SLC26A7: variants seen among roughly 807,000 people sequenced by gnomAD.
SLC26A7 encodes the protein solute carrier family 26 member 7, also known as anion exchange transporter.
Under a neutral mutation model 82.5 loss-of-function variants are expected in SLC26A7, and 59 were observed. That is an observed-to-expected ratio of 0.72 (90% CI 0.58 to 0.89). The LOEUF is 0.89. SLC26A7 is among the 40% of genes least tolerant of loss of function. SLC26A7 has a pLI of 0.00. For missense variants in SLC26A7, 820 were observed against 793.0 expected (o/e 1.03, Z -0.41); for synonymous variants, 271 against 274.3 (o/e 0.99, Z 0.12).
rs1586392560 is a variant in SLC26A7 at position 91,309,865 on chromosome 8, G to T, written c.478-8351G>T. 3.3e-5 allele frequency among the ~76,000 whole-genome samples: 5 copies of T among 152,210 alleles called. No homozygotes were observed. In the South Asian group the frequency reaches 1.0e-3, roughly 32 times the overall value. ...TTGCTAGCACTTGGTTAGGAGGGGAGCATGTATAGTGTGTTTACTGGAGTC... is the reference window on the plus strand; with the variant it reads ...TTGCTAGCACTTGGTTAGGAGGGGATCATGTATAGTGTGTTTACTGGAGTC... On this transcript the variant is annotated intron_variant, in intron 4 of 18. Coordinates refer to ENST00000276609, the MANE Select transcript of SLC26A7 (RefSeq NM_052832.4).
At chr8:91,370,181 T>C (rs1814315724) in intron 15 of SLC26A7, among the ~76,000 whole-genome samples, 1 of 113,636 alleles carries the variant, frequency 8.8e-6, no homozygotes, top group Non-Finnish European at 1.8e-5. Flanking sequence ...TTTCCTTCTT[T>C]TTTTTTCTAT....
intron 15 of SLC26A7, among the ~76,000 whole-genome samples, chr8:91,383,636 C>A (rs1438457020): frequency 6.6e-6 from 1 of 152,120 alleles, no homozygotes; most frequent in Non-Finnish European, 1.5e-5. Context: ...ACAAATTTCT[C>A]AATTTTTAGA....
intron 11 of SLC26A7, among the ~76,000 whole-genome samples, chr8:91,359,657 C>A (rs986144574): frequency 6.6e-6 from 1 of 152,108 alleles, no homozygotes; most frequent in Non-Finnish European, 1.5e-5. Flanking sequence ...GGATAGATAT[C>A]TCTTAGCTGC....
intron 2 of SLC26A7, among the ~76,000 whole-genome samples, chr8:91,271,483 A>C (rs952123644): frequency 6.6e-6 from 1 of 152,008 alleles, no homozygotes; most frequent in Non-Finnish European, 1.5e-5. Context: ...ATTTTCTTAT[A>C]TACTTTCTTC....
intron 15 of SLC26A7, among the ~76,000 whole-genome samples, chr8:91,376,325 ATTCC>A (rs1814516089): frequency 6.6e-6 from 1 of 152,214 alleles, no homozygotes; most frequent in South Asian, 2.1e-4. Context: ...TCTTTCACTG[ATTCC>A]TTCTCATCTG....
intron 9 of SLC26A7, among the ~76,000 whole-genome samples, chr8:91,345,190 C>A (rs1344041210): frequency 6.6e-6 from 1 of 151,932 alleles, no homozygotes; most frequent in Admixed American, 6.6e-5. Flanking sequence ...TTTGAGAAAT[C>A]CTCCAACCTC....
At chr8:91,360,580 A>T (rs983141102) in intron 11 of SLC26A7, among the ~76,000 whole-genome samples, 1 of 152,224 alleles carries the variant, frequency 6.6e-6, no homozygotes, top group Non-Finnish European at 1.5e-5. Context: ...AGCCCAACTT[A>T]TAATAGATGA....
intron 2 of SLC26A7, among the ~76,000 whole-genome samples, chr8:91,263,051 T>G (rs917450396): frequency 3.3e-5 from 5 of 152,180 alleles, no homozygotes; most frequent in African/African-American, 1.2e-4. Flanking sequence ...CAATTCTATC[T>G]CAAGGTTTTT....
chr8:91,228,992 G>A (rs149116441), intron 2 of SLC26A7, among the ~76,000 whole-genome samples: 3 of 152,170 alleles, frequency 2.0e-5, no homozygotes, highest in Admixed American at 2.0e-4. Flanking sequence ...TTCTCATAAG[G>A]AAGACATTAT....
chr8:91,284,957 C>T (rs1313894355), intron 2 of SLC26A7, among the ~76,000 whole-genome samples: 2 of 152,196 alleles, frequency 1.3e-5, no homozygotes, highest in Non-Finnish European at 2.9e-5. Context: ...AAAATTGTCA[C>T]CTGAATTAGT....
At chr8:91,312,665 GTGTGTGTGTT>G (rs1307838068) in intron 4 of SLC26A7, among the ~76,000 whole-genome samples, 1 of 151,776 alleles carries the variant, frequency 6.6e-6, no homozygotes. Context: ...GTGTGTGTGT[GTGTGTGTGTT>G]TGATAGTAGT....
At chr8:91,244,882 A>G (rs1014534293), upstream of SLC26A7, among the ~76,000 whole-genome samples, 3 of 152,158 alleles carry the variant, frequency 2.0e-5, no homozygotes, top group African/African-American at 7.2e-5. Flanking sequence ...GTATCAAAAT[A>G]GATCACAGAA....
chr8:91,286,872 A>T (rs926260930), intron 2 of SLC26A7, among the ~76,000 whole-genome samples: 1 of 152,118 alleles, frequency 6.6e-6, no homozygotes, highest in Non-Finnish European at 1.5e-5. Context: ...GAAAAAGGAA[A>T]CTTTATCCAG....
At chr8:91,314,035 G>A (rs1050451852) in intron 4 of SLC26A7, among the ~76,000 whole-genome samples, 3 of 152,148 alleles carry the variant, frequency 2.0e-5, no homozygotes, top group Admixed American at 2.0e-4. Context: ...AGTGAATCTT[G>A]ATCATGTATG....
At chr8:91,332,252 A>G (rs961173361) in intron 5 of SLC26A7, among the ~76,000 whole-genome samples, 4 of 143,838 alleles carry the variant, frequency 2.8e-5, no homozygotes, top group African/African-American at 1.0e-4. Flanking sequence ...TTAATTATAT[A>G]TTAAATTTAT....
chr8:91,343,579 A>T, intron 9 of SLC26A7, 113 bp downstream of exon 9: 1 of 667,846 alleles, frequency 1.5e-6, no homozygotes, highest in South Asian at 2.7e-5. Context: ...CACTTATTTA[A>T]TTTTTTTTCT....
Position 91,397,998 on chromosome 8 carries a change from T to C in SLC26A7, c.*2901T>C, listed in dbSNP as rs1808620006. 1 of 152,524 alleles carries C rather than the reference T, an allele frequency of 6.6e-6. No individual in the cohort carries two copies. Among genetic ancestry groups the C allele is most frequent in the Non-Finnish European group, 1.5e-5 (1 of 67,972 alleles). 9.4% of individuals were successfully genotyped at this position (152,524 alleles called of 1,614,324 possible). A position where few individuals can be genotyped will look rare whatever the true frequency, so the allele number is the denominator to read the frequency against. Reference sequence around the variant, plus strand: ...AAGTGGTACTTTCACAATCCAAAGATTTTTAGTTAAAAATCATGTAGTCTA... The same window carrying C: ...AAGTGGTACTTTCACAATCCAAAGACTTTTAGTTAAAAATCATGTAGTCTA... On this transcript the variant is annotated 3_prime_UTR_variant, in exon 19 of 19. Transcript: ENST00000276609.
chr8:91,368,344 A>C (rs1157470472), intron 14 of SLC26A7, among the ~76,000 whole-genome samples: 1 of 152,038 alleles, frequency 6.6e-6, no homozygotes, highest in Non-Finnish European at 1.5e-5. Flanking sequence ...ATTATGATCC[A>C]CCACCTTAAG....
intron 14 of SLC26A7, among the ~76,000 whole-genome samples, chr8:91,369,345 A>C (rs970375853): frequency 1.8e-4 from 26 of 144,956 alleles, no homozygotes; most frequent in Admixed American, 2.1e-4. Flanking sequence ...TTGTCAGACA[A>C]GATTAACTGT....
Sources: allele counts gnomAD v4.1 joint callset (sites outside exome capture counted in the v4.1 genomes callset), GRCh38; gene constraint gnomAD v4.1.1; transcripts MANE v1.5; gene names NCBI Gene and HGNC (gene_info 2026-07-23, HGNC 2026-07-21).